DPP6: variants seen among roughly 807,000 people sequenced by gnomAD.
DPP6 encodes the protein A-type potassium channel modulatory protein DPP6.
Under a neutral mutation model 122.6 loss-of-function variants are expected in DPP6, and 69 were observed. That is an observed-to-expected ratio of 0.56 (90% CI 0.46 to 0.69). The LOEUF (loss-of-function observed/expected upper bound fraction) is 0.69, where lower values mean the gene tolerates loss of function less well. Ranked by LOEUF, DPP6 falls within the 30% of genes least tolerant of loss-of-function variation. The probability of loss-of-function intolerance (pLI) is 0.00; values close to 1 mark genes in which losing one functional copy is unlikely to be tolerated. For missense variants in DPP6, 928 were observed against 1,116.9 expected (o/e 0.83, Z 2.41); for synonymous variants, 418 against 433.1 (o/e 0.97, Z 0.43).
At position 154,488,452 on chromosome 7, in the gene DPP6, C is replaced by CA. The variant is rs112687143; in HGVS notation, c.457+13426dup. ...TGATTGATAGAGCGAGACTCTGTCT[C>CA]AAAAAAAAAAAGAAAGCAGACACAC... On this transcript the variant is annotated intron_variant, in intron 3 of 25. Transcript: ENST00000377770. Among the ~76,000 whole-genome samples the CA allele has an allele frequency of 3.4e-3, 476 of 141,532 alleles. 1 individual carries two copies. Among genetic ancestry groups the CA allele is most frequent in the Middle Eastern group, 0.014 (4 of 282 alleles). The allele number at this position is 141,532 out of a possible 152,430, so 92.9% of individuals were successfully genotyped here.
At chr7:154,469,848 C>T (rs751156336) in intron 2 of DPP6, among the ~76,000 whole-genome samples, 2 of 152,184 alleles carry the variant, frequency 1.3e-5, no homozygotes, top group Non-Finnish European at 2.9e-5. Context: ...TGATGTGTTT[C>T]CTGCATTCTC....
intron 1 of DPP6, among the ~76,000 whole-genome samples, chr7:154,159,303 C>A (rs566311826): frequency 1.1e-4 from 17 of 152,312 alleles, no homozygotes; most frequent in African/African-American, 4.1e-4. Flanking sequence ...CCAGTGTTCT[C>A]CCACCCATGG....
At chr7:154,858,898 G>A (rs1481030647) in intron 17 of DPP6, among the ~76,000 whole-genome samples, 1 of 152,162 alleles carries the variant, frequency 6.6e-6, no homozygotes, top group Non-Finnish European at 1.5e-5. Flanking sequence ...CACAGCACCA[G>A]GCCCCTTCCT....
At chr7:154,291,032 C>A (rs577711711) in intron 1 of DPP6, among the ~76,000 whole-genome samples, 1 of 152,304 alleles carries the variant, frequency 6.6e-6, no homozygotes, top group South Asian at 2.1e-4. Context: ...GAAGTGGAAA[C>A]TCTCAGGAAG....
In DPP6 at chr7:154,875,799, C is replaced by T. The variant is rs1804797031; in HGVS notation, c.1884-107C>T. ...GGTATGGAGTTGAGCGTGTGGCAGCCGGGTCACGGGTAAAATCCCTTACGG... is the reference window on the plus strand; with the variant it reads ...GGTATGGAGTTGAGCGTGTGGCAGCTGGGTCACGGGTAAAATCCCTTACGG... On this transcript the variant is annotated intron_variant, in intron 19 of 25. Coordinates refer to ENST00000377770, the MANE Select transcript of DPP6 (RefSeq NM_130797.4). This position sits in a 1 kb window ranked among gnomAD's most constrained non-coding sequence, Gnocchi z 4.5. 6.2e-6 allele frequency: 9 copies of T among 1,452,112 alleles called. No individual in the cohort carries two copies. The highest frequency in any genetic ancestry group is 8.3e-6 in the Non-Finnish European group (9 of 1,089,176). The allele number at this position is 1,452,112 out of a possible 1,614,324, so 90.0% of individuals were successfully genotyped here.
chr7:154,202,885 A>G (rs376879394), intron 1 of DPP6, among the ~76,000 whole-genome samples: 1 of 152,152 alleles, frequency 6.6e-6, no homozygotes, highest in Non-Finnish European at 1.5e-5. Context: ...TTTTTTTCCA[A>G]ATGTCAGCTA....
chr7:154,883,144 C>A (rs577470129), intron 21 of DPP6, among the ~76,000 whole-genome samples: 1 of 151,292 alleles, frequency 6.6e-6, no homozygotes, highest in East Asian at 2.0e-4. Context: ...CACATGCTCA[C>A]CCATACACAT....
At chr7:153,774,302 G>A in the DPP6 span, among the ~76,000 whole-genome samples, 9 of 152,242 alleles carry the variant, frequency 5.9e-5, no homozygotes, top group African/African-American at 1.9e-4. Flanking sequence ...CCTTTTCACC[G>A]GAAGGTACAA....
chr7:153,765,312 C>T, the DPP6 span, among the ~76,000 whole-genome samples: 2 of 152,080 alleles, frequency 1.3e-5, no homozygotes. Context: ...GAGGCCAAGG[C>T]AGGTGGATCA....
At chr7:153,895,047 T>C (rs1489299733) in intron 1 of DPP6, among the ~76,000 whole-genome samples, 1 of 152,140 alleles carries the variant, frequency 6.6e-6, no homozygotes, top group Non-Finnish European at 1.5e-5. Flanking sequence ...ACATGCTGTG[T>C]TTTTAAGTTT....
chr7:154,317,274 A>C (rs10216047), intron 1 of DPP6, among the ~76,000 whole-genome samples: 88,682 of 151,558 alleles, frequency 0.59, 26,388 homozygotes, highest in South Asian at 0.67. Context: ...AGGCGGGCGG[A>C]TCATGAGGTC....
intron 1 of DPP6, among the ~76,000 whole-genome samples, chr7:154,428,282 T>G (rs568211576): frequency 1.3e-5 from 2 of 152,278 alleles, no homozygotes; most frequent in Non-Finnish European, 2.9e-5. Context: ...CATAGAAAAA[T>G]TCATTTAAAT....
chr7:154,646,491 TC>T (rs11307229), intron 6 of DPP6, among the ~76,000 whole-genome samples: 13,280 of 152,172 alleles, frequency 0.087, 685 homozygotes, highest in East Asian at 0.19. Context: ...TTCTGACCCT[TC>T]AAGCCACAGC....
chr7:154,334,741 C>T (rs1408819576), intron 1 of DPP6, among the ~76,000 whole-genome samples: 1 of 152,048 alleles, frequency 6.6e-6, no homozygotes, highest in Non-Finnish European at 1.5e-5. Flanking sequence ...ACTAAAAATA[C>T]AAAAAATAGC....
At chr7:154,524,428 A>AT (rs912528162) in intron 3 of DPP6, among the ~76,000 whole-genome samples, 4 of 152,166 alleles carry the variant, frequency 2.6e-5, no homozygotes, top group African/African-American at 9.7e-5. Context: ...AGAATAAGTC[A>AT]TTTTTCACAA....
At chr7:154,146,992 G>C (rs1796124750) in intron 1 of DPP6, among the ~76,000 whole-genome samples, 1 of 152,100 alleles carries the variant, frequency 6.6e-6, no homozygotes, top group East Asian at 1.9e-4. Context: ...CACCTAGCTG[G>C]GGTGATTCAA....
At chr7:154,430,897 TTC>T (rs750698441) in intron 1 of DPP6, among the ~76,000 whole-genome samples, 10 of 92,116 alleles carry the variant, frequency 1.1e-4, no homozygotes, top group South Asian at 4.7e-4. Flanking sequence ...GAATGTTTCT[TTC>T]GTTAAGTTAA....
At chr7:154,594,605 T>C (rs1482819994) in intron 5 of DPP6, among the ~76,000 whole-genome samples, 2 of 152,214 alleles carry the variant, frequency 1.3e-5, no homozygotes, top group African/African-American at 4.8e-5. Context: ...ATATCCACTC[T>C]TATGTTTTTA....
At chr7:154,324,075 C>T (rs1301952523) in intron 1 of DPP6, among the ~76,000 whole-genome samples, 2 of 152,126 alleles carry the variant, frequency 1.3e-5, no homozygotes, top group African/African-American at 2.4e-5. Flanking sequence ...CAGGACAGAA[C>T]CATGAGCAGA....
Sources: allele counts gnomAD v4.1 joint callset (sites outside exome capture counted in the v4.1 genomes callset), GRCh38; gene constraint gnomAD v4.1.1; non-coding constraint Gnocchi (gnomAD v3.1); transcripts MANE v1.5; gene names NCBI Gene and HGNC (gene_info 2026-07-23, HGNC 2026-07-21).